Variants in CNTN1 observed in about 807,000 individuals in gnomAD.
The protein encoded by CNTN1 is contactin 1.
CNTN1 carries 38 observed loss-of-function variants against 126.4 expected under a neutral mutation model. That is an observed-to-expected ratio of 0.30 (90% confidence interval 0.23 to 0.39). CNTN1 has a LOEUF of 0.39. Ranked by LOEUF, CNTN1 falls within the 10% of genes least tolerant of loss-of-function variation. The probability of loss-of-function intolerance (pLI) is 1.00; values close to 1 mark genes in which losing one functional copy is unlikely to be tolerated. For missense variants in CNTN1, 1,009 were observed against 1,248.4 expected (o/e 0.81, Z 2.89); for synonymous variants, 413 against 422.6 (o/e 0.98, Z 0.28).
At chr12:41,050,065 A>G (rs1014511020) in intron 23 of CNTN1, among the ~76,000 whole-genome samples, 1 of 152,058 alleles carries the variant, frequency 6.6e-6, no homozygotes, top group Non-Finnish European at 1.5e-5. Context: ...AGGCCCAGCT[A>G]ATTTTTGTAC....
chr12:40,821,379 A>G (rs1326482174), intron 1 of CNTN1, among the ~76,000 whole-genome samples: 1 of 152,244 alleles, frequency 6.6e-6, no homozygotes, highest in Admixed American at 6.5e-5. Context: ...TCACTTAAAA[A>G]GAAAAACTGC....
chr12:40,865,187 T>C (rs1943255844), intron 1 of CNTN1, among the ~76,000 whole-genome samples: 1 of 152,158 alleles, frequency 6.6e-6, no homozygotes, highest in African/African-American at 2.4e-5. Flanking sequence ...TTTATCTAAT[T>C]GGGATTTTTG....
At chr12:41,052,660 C>T (rs757344668) in intron 23 of CNTN1, among the ~76,000 whole-genome samples, 23 of 151,684 alleles carry the variant, frequency 1.5e-4, no homozygotes, top group Non-Finnish European at 3.4e-4. Flanking sequence ...ATATTTTATC[C>T]CCCAAAGAAC....
intron 23 of CNTN1, among the ~76,000 whole-genome samples, chr12:41,046,009 T>C (rs1949531670): frequency 6.6e-6 from 1 of 152,006 alleles, no homozygotes; most frequent in South Asian, 2.1e-4. Flanking sequence ...GAGTCGAGGG[T>C]GTGGCAGAGT....
At chr12:40,856,707 G>C (rs577346648) in intron 1 of CNTN1, among the ~76,000 whole-genome samples, 1 of 152,246 alleles carries the variant, frequency 6.6e-6, no homozygotes, top group Non-Finnish European at 1.5e-5. Context: ...GTAGTAGTAA[G>C]GAAGATTTGC....
At chr12:40,806,756 C>T (rs1346131643) in intron 1 of CNTN1, among the ~76,000 whole-genome samples, 1 of 152,014 alleles carries the variant, frequency 6.6e-6, no homozygotes, top group African/African-American at 2.4e-5. Flanking sequence ...ACATATTGTC[C>T]CTAGTGTGGC....
intron 1 of CNTN1, among the ~76,000 whole-genome samples, chr12:40,908,071 G>C (rs1417874949): frequency 6.6e-6 from 1 of 152,200 alleles, no homozygotes; most frequent in Non-Finnish European, 1.5e-5. Flanking sequence ...ACACATGATT[G>C]AGTGACACTC....
At chr12:40,953,392 C>T (rs899903219) in intron 14 of CNTN1, among the ~76,000 whole-genome samples, 7 of 152,098 alleles carry the variant, frequency 4.6e-5, no homozygotes, top group Non-Finnish European at 7.4e-5. Flanking sequence ...GCTTTGTAAG[C>T]GTTCTGCCAA....
At chr12:40,796,364 G>A (rs1259213991) in intron 1 of CNTN1, among the ~76,000 whole-genome samples, 2 of 151,870 alleles carry the variant, frequency 1.3e-5, no homozygotes, top group African/African-American at 2.4e-5. Flanking sequence ...TTCAGAATAC[G>A]GCTCTGTGAC....
chr12:40,860,719 TC>T (rs1459149454), intron 1 of CNTN1, among the ~76,000 whole-genome samples: 3 of 152,084 alleles, frequency 2.0e-5, no homozygotes, highest in Admixed American at 2.0e-4. Context: ...GGCATGCCAC[TC>T]TCCCAGTAAC....
chr12:40,772,966 G>A (rs1939401427), intron 1 of CNTN1, among the ~76,000 whole-genome samples: 1 of 151,828 alleles, frequency 6.6e-6, no homozygotes, highest in Non-Finnish European at 1.5e-5. Context: ...TACATATCGT[G>A]TGTGCGAATA....
intron 17 of CNTN1, among the ~76,000 whole-genome samples, chr12:40,994,863 G>A (rs1449744703): frequency 6.6e-6 from 1 of 152,012 alleles, no homozygotes; most frequent in Non-Finnish European, 1.5e-5. Context: ...AAATAGATGT[G>A]TTTCTAGAAT....
intron 17 of CNTN1, among the ~76,000 whole-genome samples, chr12:41,007,908 C>A (rs761724267): frequency 1.3e-5 from 2 of 152,170 alleles, no homozygotes; most frequent in African/African-American, 2.4e-5. Context: ...TTACAGGCTG[C>A]TCTTTGTTAG....
intron 1 of CNTN1, among the ~76,000 whole-genome samples, chr12:40,775,632 T>C (rs2136440296): frequency 6.6e-6 from 1 of 151,714 alleles, no homozygotes; most frequent in East Asian, 1.9e-4. Flanking sequence ...ACTTTAAGTC[T>C]GGAAATCAGC....
intron 23 of CNTN1, among the ~76,000 whole-genome samples, chr12:41,064,260 A>G (rs1163594484): frequency 6.6e-6 from 1 of 152,062 alleles, no homozygotes; most frequent in East Asian, 1.9e-4. Flanking sequence ...GCATTCAATT[A>G]TCTGCTCCAG....
intron 16 of CNTN1, among the ~76,000 whole-genome samples, chr12:40,992,903 G>C (rs549174329): frequency 1.3e-5 from 2 of 152,020 alleles, no homozygotes; most frequent in South Asian, 4.2e-4. Context: ...ACTTACATAG[G>C]TGATTCATAT....
chr12:40,991,859 G>A (rs1948104410), intron 16 of CNTN1, among the ~76,000 whole-genome samples: 1 of 149,734 alleles, frequency 6.7e-6, no homozygotes, highest in Admixed American at 6.7e-5. Flanking sequence ...AAACAAAAAG[G>A]CTACCTTACT....
chr12:40,827,745 G>A (rs1255407115), intron 1 of CNTN1, among the ~76,000 whole-genome samples: 1 of 151,664 alleles, frequency 6.6e-6, no homozygotes, highest in South Asian at 2.1e-4. Context: ...CTATGATTTA[G>A]GTTGTAATTT....
chr12:40,837,831 A>G (rs540918292), intron 1 of CNTN1, among the ~76,000 whole-genome samples: 1 of 152,278 alleles, frequency 6.6e-6, no homozygotes, highest in East Asian at 1.9e-4. Context: ...ACACTGAGAC[A>G]TGGATGCCAG....
Sources: allele counts gnomAD v4.1 joint callset (sites outside exome capture counted in the v4.1 genomes callset), GRCh38; gene constraint gnomAD v4.1.1; transcripts MANE v1.5; gene names NCBI Gene and HGNC (gene_info 2026-07-23, HGNC 2026-07-21).